CHD7: variants seen among roughly 807,000 people sequenced by gnomAD.
CHD7 encodes chromodomain helicase DNA binding protein 7.
In CHD7, 24 loss-of-function variants were observed where a neutral mutation model predicts 307.3. The observed-to-expected ratio is 0.08, with a 90% confidence interval of 0.06 to 0.11. The LOEUF (loss-of-function observed/expected upper bound fraction) is 0.11, where lower values mean the gene tolerates loss of function less well. Ranked by LOEUF, CHD7 falls within the 10% of genes least tolerant of loss-of-function variation. The pLI, the probability that CHD7 is intolerant of heterozygous loss-of-function variation, is 1.00. For synonymous variants in CHD7, 1,363 were observed against 1,349.9 expected (o/e 1.01, Z -0.21); for missense variants, 3,106 against 3,727.1 (o/e 0.83, Z 4.34).
At chr8:60,698,458 G>T (rs1806598172) in intron 1 of CHD7, among the ~76,000 whole-genome samples, 1 of 152,186 alleles carries the variant, frequency 6.6e-6, no homozygotes, top group African/African-American at 2.4e-5. Flanking sequence ...ATAATTAGAG[G>T]TTGGAGGAGG....
intron 37 of CHD7, chr8:60,863,025 AAAC>A (rs1208362888): frequency 5.7e-6 from 1 of 174,900 alleles, no homozygotes; most frequent in Non-Finnish European, 1.2e-5. Context: ...AAACAAAACA[AAAC>A]AAAAATACAA....
chr8:60,695,972 A>G (rs1225310582), intron 1 of CHD7, among the ~76,000 whole-genome samples: 1 of 152,184 alleles, frequency 6.6e-6, no homozygotes, highest in Admixed American at 6.5e-5. Flanking sequence ...TCAGTCATCT[A>G]TCCCAAGGAA....
chr8:60,748,504 G>A (rs1809447022), intron 2 of CHD7, among the ~76,000 whole-genome samples: 1 of 152,190 alleles, frequency 6.6e-6, no homozygotes, highest in African/African-American at 2.4e-5. Flanking sequence ...AGTACGAAGA[G>A]GGTGGAGAGG....
rs963003699 is a variant in CHD7 at position 60,722,584 on chromosome 8, A to G, written c.-174-18675A>G. Among the ~76,000 whole-genome samples the G allele has an allele frequency of 9.9e-5, 15 of 152,252 alleles. 1 individual carries two copies. The highest frequency in any genetic ancestry group is 9.8e-4 in the Admixed American group (15 of 15,278). ...ACATTTGAAATTAAATCTAAGAAGT[A>G]TAAAAATACTTAGTTTATTTAATAT... On this transcript the variant is annotated intron_variant, in intron 1 of 37. Coordinates refer to ENST00000423902, the MANE Select transcript of CHD7 (RefSeq NM_017780.4).
chr8:60,862,144 GAAGAAT>G, intron 35 of CHD7, 46 bp from the exon 36 acceptor site: 1 of 1,446,190 alleles, frequency 6.9e-7, no homozygotes, highest in Non-Finnish European at 9.5e-7. Flanking sequence ...TTTATATAGA[GAAGAAT>G]AAGTACTAAA....
chr8:60,685,497 G>C (rs1181266260), intron 1 of CHD7, among the ~76,000 whole-genome samples: 2 of 152,244 alleles, frequency 1.3e-5, no homozygotes, highest in African/African-American at 4.8e-5. Context: ...TTAGGGCAAG[G>C]TCTTTGGGTT....
At chr8:60,727,933 C>T (rs1016609570) in intron 1 of CHD7, among the ~76,000 whole-genome samples, 1 of 152,186 alleles carries the variant, frequency 6.6e-6, no homozygotes, top group Non-Finnish European at 1.5e-5. Context: ...CCACAGGCCT[C>T]GTTGTCATCC....
rs1214242437 is a variant in CHD7 at position 60,774,279 on chromosome 8, C to G, written c.1666-6721C>G. Among the ~76,000 whole-genome samples the G allele has an allele frequency of 2.0e-5, 3 of 152,168 alleles. No homozygotes were observed. In the East Asian group the frequency reaches 5.8e-4, roughly 29 times the overall value. ...GTAAATTAATCTTAAGGTTTCGGTT[C>G]CATCATTTATGAAGCAGCAATAATA... On this transcript the variant is annotated intron_variant, in intron 2 of 37. Coordinates refer to ENST00000423902, the MANE Select transcript of CHD7 (RefSeq NM_017780.4).
At chr8:60,862,452 C>T (rs1047997855) in intron 36 of CHD7, 96 bp from the exon 37 acceptor site, 12 of 1,453,542 alleles carry the variant, frequency 8.3e-6, no homozygotes, top group African/African-American at 1.4e-5. Context: ...TGCGTGTGTG[C>T]GTGTATGTGT....
At chr8:60,727,801 C>T (rs1398865273) in intron 1 of CHD7, among the ~76,000 whole-genome samples, 1 of 152,136 alleles carries the variant, frequency 6.6e-6, no homozygotes, top group Non-Finnish European at 1.5e-5. Context: ...GTACTGTCTC[C>T]TGGAGAGCTC....
chr8:60,695,101 C>G (rs574185369), intron 1 of CHD7, among the ~76,000 whole-genome samples: 1 of 151,974 alleles, frequency 6.6e-6, no homozygotes. Flanking sequence ...TGGCATGGAG[C>G]GGAGAATAGC....
chr8:60,681,578 TTTGGAAATGGGTAAA>T (rs1805633955), intron 1 of CHD7, among the ~76,000 whole-genome samples: 1 of 152,186 alleles, frequency 6.6e-6, no homozygotes, highest in Admixed American at 6.5e-5. Context: ...AGTAAAATAA[TTTGGAAATGGGTAAA>T]GGCTTGAGCA....
rs1288121136 is a variant in CHD7, at chr8:60,841,986, A to G, written c.4784A>G (p.Gln1595Arg). ...CCCTGTGCAAAGCCACGGCGTCCCC[A>G]GGATAAGTCACAGGGCTATGCAAGG... is the stretch of plus-strand genomic sequence containing the variant. The part of the protein sequence containing the change: ...EKPCAKPRRP[Q>R]DKSQGYARSE... Residue 1595 changes from glutamine (Q) to arginine (R), a missense_variant, in exon 21 of 38, where the codon CAG (glutamine) becomes CGG (arginine). Gln to Arg is a conservative substitution (Grantham distance 43). Coordinates refer to ENST00000423902, the MANE Select transcript of CHD7 (RefSeq NM_017780.4). The G allele has an allele frequency of 1.2e-6, 2 of 1,613,930 alleles. No homozygotes were observed. Among genetic ancestry groups the G allele is most frequent in the Non-Finnish European group, 1.7e-6 (2 of 1,179,848 alleles).
intron 5 of CHD7, 134 bp from the exon 6 acceptor site, chr8:60,801,394 G>A: frequency 1.6e-6 from 1 of 636,112 alleles, no homozygotes; most frequent in African/African-American, 1.8e-5. Flanking sequence ...TTTCAATCGT[G>A]TTTCTCACTG....
intron 21 of CHD7, 43 bp downstream of exon 21, chr8:60,842,095 G>A (rs1805002076): frequency 2.0e-6 from 3 of 1,501,658 alleles, no homozygotes; most frequent in Middle Eastern, 1.7e-4. Flanking sequence ...TATTGTAACA[G>A]TAGTTAGAAT....
chr8:60,771,537 A>G (rs1810709791), intron 2 of CHD7, among the ~76,000 whole-genome samples: 1 of 152,310 alleles, frequency 6.6e-6, no homozygotes, highest in Admixed American at 6.5e-5. Flanking sequence ...CACAAACTTT[A>G]TGGCTTAAAA....
In CHD7 at chr8:60,865,577, C is replaced by T. The variant is rs369476145; in HGVS notation, c.8638C>T (p.Pro2880Ser). The T allele has an allele frequency of 3.7e-6, 6 of 1,613,912 alleles. No individual in the cohort carries two copies. In the African/African-American group the frequency reaches 8.0e-5, roughly 22 times the overall value. The stretch of plus-strand genomic sequence containing the variant: ...TGGATCTGTTGGTGCTGCTACTGCC[C>T]CGGCTGGATTGCCCTCAAACCCGCT... ...ANGSVGAATA[P>S]AGLPSNPLAF... Residue 2880 changes from proline (P) to serine (S), a missense_variant, in exon 38 of 38, where the codon CCG (proline) becomes TCG (serine). By Grantham distance (74) the Pro-to-Ser change is moderately conservative. Around this residue, in one of 10 missense-constraint regions of CHD7, gnomAD observed 351 missense variants for 366.2 expected, o/e 0.96. Transcript: ENST00000423902. The surrounding 1 kb of genome is among the most constrained non-coding windows in gnomAD (Gnocchi z 4.3).
At chr8:60,855,575 C>G (rs531057566) in intron 32 of CHD7, among the ~76,000 whole-genome samples, 2 of 152,202 alleles carry the variant, frequency 1.3e-5, no homozygotes, top group Non-Finnish European at 2.9e-5. Context: ...AGGGCCAGGG[C>G]GGCAAGAAGC....
intron 2 of CHD7, among the ~76,000 whole-genome samples, chr8:60,780,390 T>C (rs1386325733): frequency 1.3e-5 from 2 of 152,250 alleles, no homozygotes; most frequent in Non-Finnish European, 2.9e-5. Flanking sequence ...CCACCTTTCA[T>C]GTCAATGCAA....
Sources: gnomAD v4.1 joint callset for allele counts (sites outside exome capture counted in the v4.1 genomes callset) on GRCh38, gnomAD v4.1.1 for gene constraint, gnomAD v4.1.1 regional missense constraint, Gnocchi (gnomAD v3.1) non-coding constraint, MANE v1.5 for transcripts, NCBI Gene and HGNC (gene_info 2026-07-23, HGNC 2026-07-21) for gene names.